Variants in CREB5 observed in about 807,000 individuals in gnomAD.
CREB5 encodes cAMP responsive element binding protein 5.
CREB5 carries 19 observed loss-of-function variants against 57.1 expected under a neutral mutation model. That is an observed-to-expected ratio of 0.33 (90% CI 0.23 to 0.49). CREB5 has a LOEUF of 0.49. CREB5 is among the 20% of genes least tolerant of loss of function. The pLI, the probability that CREB5 is intolerant of heterozygous loss-of-function variation, is 0.99. For synonymous variants in CREB5, 238 were observed against 238.3 expected, an observed-to-expected ratio of 1.00 and a Z score of 0.01; for missense variants, 579 against 671.6, an observed-to-expected ratio of 0.86 and a Z score of 1.52.
At chr7:28,587,796 G>A (rs946975030) in intron 5 of CREB5, among the ~76,000 whole-genome samples, 16 of 152,260 alleles carry the variant, frequency 1.1e-4, no homozygotes, top group African/African-American at 3.4e-4. Context: ...TAAAACGAGA[G>A]CCAGCTCAGA....
intron 5 of CREB5, among the ~76,000 whole-genome samples, chr7:28,603,130 T>C (rs1342885310): frequency 3.3e-5 from 5 of 152,204 alleles, no homozygotes; most frequent in Admixed American, 3.3e-4. Flanking sequence ...AATAAGGTAA[T>C]TCCCTTACAG....
intron 5 of CREB5, chr7:28,686,309 C>T: frequency 2.7e-6 from 2 of 754,010 alleles, no homozygotes; most frequent in East Asian, 2.6e-5. Flanking sequence ...ATTTTCTCCC[C>T]CTTCTCCCTT....
At chr7:28,359,070 G>T (rs1786405538) in intron 1 of CREB5, among the ~76,000 whole-genome samples, 2 of 151,884 alleles carry the variant, frequency 1.3e-5, no homozygotes, top group South Asian at 4.2e-4. Context: ...TTTGATCAAT[G>T]AATTTATTCC....
At chr7:28,483,915 A>G (rs1791448963) in intron 1 of CREB5, among the ~76,000 whole-genome samples, 1 of 152,224 alleles carries the variant, frequency 6.6e-6, no homozygotes, top group Non-Finnish European at 1.5e-5. Flanking sequence ...TTACCTCACC[A>G]ATAATTTGAT....
intron 7 of CREB5, among the ~76,000 whole-genome samples, chr7:28,727,144 T>G (rs184382449): frequency 2.2e-4 from 33 of 152,068 alleles, no homozygotes; most frequent in South Asian, 1.5e-3. Context: ...TTAGTATCAA[T>G]GTACTGTAGC....
chr7:28,301,577 G>A (rs1026976486), intron 1 of CREB5, among the ~76,000 whole-genome samples: 3 of 152,140 alleles, frequency 2.0e-5, no homozygotes, highest in African/African-American at 7.2e-5. Context: ...TACTGAATAA[G>A]GATCTGCATT....
At chr7:28,727,027 A>G (rs1224551028) in intron 7 of CREB5, among the ~76,000 whole-genome samples, 3 of 151,720 alleles carry the variant, frequency 2.0e-5, no homozygotes, top group African/African-American at 7.3e-5. Flanking sequence ...AGTAATTTCT[A>G]TTGTGAGAGC....
chr7:28,370,940 T>C (rs1786694288), intron 1 of CREB5, among the ~76,000 whole-genome samples: 1 of 152,170 alleles, frequency 6.6e-6, no homozygotes, highest in African/African-American at 2.4e-5. Flanking sequence ...CCAAAACCTC[T>C]GAGGAAGCCA....
chr7:28,612,544 GTGTGT>G (rs1797432920), intron 5 of CREB5, among the ~76,000 whole-genome samples: 1 of 3,788 alleles, frequency 2.6e-4, no homozygotes, highest in South Asian at 0.014. Context: ...TAGAGAAGGG[GTGTGT>G]GTGTGTGTGT....
chr7:28,790,428 A>AAGAGAGAGAG lies in CREB5; in HGVS notation c.703-13747_703-13738dup, dbSNP rs370615013. On this transcript the variant is annotated intron_variant, in intron 7 of 10. Transcript: ENST00000357727. ...TACATTTTAGCAGAAGAAAGAAAGA[A>AAGAGAGAGAG]AGAGAGAGAGAGAGAGAGAGAGAGA... 3.2e-3 allele frequency among the ~76,000 whole-genome samples: 372 copies of AAGAGAGAGAG among 115,690 alleles called. 2 individuals carry two copies. Among genetic ancestry groups the AAGAGAGAGAG allele is most frequent in the Admixed American group, 5.7e-3 (64 of 11,134 alleles). The allele number at this position is 115,690 out of a possible 152,430, so 75.9% of individuals were successfully genotyped here.
intron 3 of CREB5, among the ~76,000 whole-genome samples, chr7:28,506,812 T>G (rs1049936325): frequency 1.3e-5 from 2 of 152,242 alleles, no homozygotes; most frequent in Admixed American, 6.5e-5. Context: ...ATCTAGATTC[T>G]CAAGAATTGT....
At chr7:28,620,202 C>A (rs1254680845) in intron 5 of CREB5, among the ~76,000 whole-genome samples, 1 of 152,124 alleles carries the variant, frequency 6.6e-6, no homozygotes, top group Non-Finnish European at 1.5e-5. Context: ...ACAAACCAAA[C>A]TTTTTAGAAT....
At chr7:28,501,485 C>A (rs981459662) in intron 3 of CREB5, among the ~76,000 whole-genome samples, 1 of 152,172 alleles carries the variant, frequency 6.6e-6, no homozygotes, top group Non-Finnish European at 1.5e-5. Context: ...CCTTTGGAGG[C>A]CTTGCTCTGC....
intron 7 of CREB5, among the ~76,000 whole-genome samples, chr7:28,767,354 T>A (rs1013349429): frequency 1.3e-5 from 2 of 152,226 alleles, no homozygotes; most frequent in African/African-American, 4.8e-5. Context: ...ATGGAAATTC[T>A]AAGATGGGTT....
At chr7:28,511,717 C>T (rs1474445055) in intron 4 of CREB5, among the ~76,000 whole-genome samples, 1 of 152,210 alleles carries the variant, frequency 6.6e-6, no homozygotes, top group African/African-American at 2.4e-5. Flanking sequence ...AACTCCTGGA[C>T]TCAAGTGATC....
rs6150047 is a variant in CREB5, at chr7:28,451,450, C to CTGTG, written c.4-36685_4-36682dup. Among the ~76,000 whole-genome samples, 406 of 147,020 alleles carry CTGTG rather than the reference C, an allele frequency of 2.8e-3. 2 individuals carry two copies. Among genetic ancestry groups the CTGTG allele is most frequent in the Middle Eastern group, 6.9e-3 (2 of 290 alleles). On this transcript the variant is annotated intron_variant, in intron 1 of 10. Coordinates refer to ENST00000357727, the MANE Select transcript of CREB5 (RefSeq NM_182898.4). ...GGTGCCATTCTGTCCCTTTGCCAAA[C>CTGTG]TGTGTGTGTGTGTGTGTGTGTGTGT...
chr7:28,340,048 G>C (rs1785903931), intron 1 of CREB5, among the ~76,000 whole-genome samples: 1 of 152,174 alleles, frequency 6.6e-6, no homozygotes, highest in Non-Finnish European at 1.5e-5. Flanking sequence ...GTTCCACTCT[G>C]GCCCAAGGCA....
At chr7:28,752,606 T>TCAC (rs965565028) in intron 7 of CREB5, among the ~76,000 whole-genome samples, 1 of 152,242 alleles carries the variant, frequency 6.6e-6, no homozygotes, top group Non-Finnish European at 1.5e-5. Flanking sequence ...AAGGAATTCT[T>TCAC]CACTTTTCCA....
chr7:28,488,624 C>A (rs1791672332), intron 2 of CREB5, among the ~76,000 whole-genome samples: 1 of 152,170 alleles, frequency 6.6e-6, no homozygotes, highest in Admixed American at 6.5e-5. Context: ...TTCGAGATTA[C>A]TGATGAAATA....
Sources: gnomAD v4.1 joint callset for allele counts (sites outside exome capture counted in the v4.1 genomes callset) on GRCh38, gnomAD v4.1.1 for gene constraint, MANE v1.5 for transcripts, NCBI Gene and HGNC (gene_info 2026-07-23, HGNC 2026-07-21) for gene names.